The following SKIC2 variants were observed in gnomAD, a reference collection of about 807,000 sequenced individuals.
SKIC2 encodes superkiller complex protein 2.
the SKIC2 span, chr6:31,968,252 G>A: frequency 6.9e-7 from 1 of 1,450,130 alleles, no homozygotes; most frequent in South Asian, 1.2e-5. The surrounding 1 kb of genome is among the most constrained non-coding windows in gnomAD (Gnocchi z 6.1). Context: ...GTAGTAAGAG[G>A]GCTTCCACAG....
the SKIC2 span, chr6:31,968,462 G>T: frequency 6.2e-7 from 1 of 1,613,000 alleles, no homozygotes; most frequent in Non-Finnish European, 8.5e-7. The surrounding 1 kb of genome is among the most constrained non-coding windows in gnomAD (Gnocchi z 6.1). Flanking sequence ...GTTGTAGAGG[G>T]TGGGCTCCGG....
the SKIC2 span, chr6:31,960,392 A>G: frequency 1.3e-6 from 2 of 1,598,738 alleles, no homozygotes; most frequent in Non-Finnish European, 1.7e-6. Flanking sequence ...GTGGTCAGAG[A>G]CAAGCTCAGC....
the SKIC2 span, chr6:31,959,381 C>T: frequency 1.2e-6 from 2 of 1,613,370 alleles, no homozygotes; most frequent in Non-Finnish European, 1.7e-6. Flanking sequence ...CTGAACTTGC[C>T]TGGAGCTCCA....
At chr6:31,964,413 G>C in the SKIC2 span, 1 of 1,182,478 alleles carries the variant, frequency 8.5e-7, no homozygotes, top group Non-Finnish European at 1.2e-6. This position sits in a 1 kb window ranked among gnomAD's most constrained non-coding sequence, Gnocchi z 5.0. Context: ...AGAGGGCAGA[G>C]GGGCAGAGGT....
chr6:31,964,236 T>A, the SKIC2 span: 1 of 1,612,966 alleles, frequency 6.2e-7, no homozygotes. The surrounding 1 kb of genome is among the most constrained non-coding windows in gnomAD (Gnocchi z 5.0). Context: ...CCAAAGGTCC[T>A]GCACATGTCA....
chr6:31,960,292 G>A, the SKIC2 span: 1 of 1,613,418 alleles, frequency 6.2e-7, no homozygotes, highest in Non-Finnish European at 8.5e-7. Flanking sequence ...CCGACCTACA[G>A]GCCCAAAGAC....
chr6:31,962,817 C>A, the SKIC2 span: 2 of 1,575,608 alleles, frequency 1.3e-6, no homozygotes, highest in Non-Finnish European at 1.7e-6. The surrounding 1 kb of genome is among the most constrained non-coding windows in gnomAD (Gnocchi z 5.0). Flanking sequence ...CATGGGCTCC[C>A]CAGAACCCGG....
chr6:31,968,982 A>G, the SKIC2 span: 3 of 1,612,912 alleles, frequency 1.9e-6, no homozygotes, highest in Admixed American at 1.7e-5. This position sits in a 1 kb window ranked among gnomAD's most constrained non-coding sequence, Gnocchi z 6.1. Context: ...CATGTTTGAC[A>G]ATGCACTGAG....
the SKIC2 span, chr6:31,962,994 G>A: frequency 4.3e-6 from 7 of 1,610,690 alleles, no homozygotes; most frequent in African/African-American, 1.3e-5. This position sits in a 1 kb window ranked among gnomAD's most constrained non-coding sequence, Gnocchi z 5.0. Context: ...GCGTGGGGTC[G>A]TGTGGGAGGA....
chr6:31,967,591 C>T, the SKIC2 span: 1 of 1,112,692 alleles, frequency 9.0e-7, no homozygotes, highest in East Asian at 2.4e-5. The surrounding 1 kb of genome is among the most constrained non-coding windows in gnomAD (Gnocchi z 4.9). Context: ...ACTTGGTTGC[C>T]CCTCTCTACT....
the SKIC2 span, chr6:31,961,804 T>A: frequency 6.5e-7 from 1 of 1,549,388 alleles, no homozygotes; most frequent in Non-Finnish European, 8.8e-7. Flanking sequence ...AGTCCCAGCC[T>A]CGGCTGGCTC....
At chr6:31,969,273 C>A in the SKIC2 span, 1 of 1,614,012 alleles carries the variant, frequency 6.2e-7, no homozygotes, top group Non-Finnish European at 8.5e-7. The surrounding 1 kb of genome is among the most constrained non-coding windows in gnomAD (Gnocchi z 6.1). Flanking sequence ...CTCCTTCTTT[C>A]CTGCAGGGAA....
At chr6:31,960,302 C>T in the SKIC2 span, 7 of 1,613,506 alleles carry the variant, frequency 4.3e-6, no homozygotes, top group Non-Finnish European at 5.9e-6. Context: ...GGCCCAAAGA[C>T]ACCCAACCAC....
At chr6:31,959,253 T>A in the SKIC2 span, 2 of 1,608,142 alleles carry the variant, frequency 1.2e-6, no homozygotes, top group Non-Finnish European at 1.7e-6. Context: ...GAGTAGCCGA[T>A]ATGGAATGAA....
chr6:31,961,520 T>C, the SKIC2 span: 3 of 1,571,428 alleles, frequency 1.9e-6, no homozygotes, highest in Non-Finnish European at 2.6e-6. Context: ...GTTGTATCTT[T>C]ATCACTGCTA....
At chr6:31,960,874 CTG>C in the SKIC2 span, 1 of 905,006 alleles carries the variant, frequency 1.1e-6, no homozygotes, top group Non-Finnish European at 1.7e-6. Context: ...CTGTCATCTG[CTG>C]GGAAATTTCT....
the SKIC2 span, chr6:31,963,844 A>G: frequency 6.8e-7 from 1 of 1,480,954 alleles, no homozygotes; most frequent in East Asian, 2.3e-5. The surrounding 1 kb of genome is among the most constrained non-coding windows in gnomAD (Gnocchi z 5.3). Flanking sequence ...GCCCCAGTTA[A>G]CACTAGCTCA....
chr6:31,963,544 C>T, the SKIC2 span: 1 of 1,586,270 alleles, frequency 6.3e-7, no homozygotes, highest in Middle Eastern at 1.7e-4. The surrounding 1 kb of genome is among the most constrained non-coding windows in gnomAD (Gnocchi z 5.3). Flanking sequence ...TCCCGAGGAG[C>T]CTTCCATACA....
At chr6:31,969,260 C>T in the SKIC2 span, 70,229 of 1,613,236 alleles carry the variant, frequency 0.044, 1,993 homozygotes, top group African/African-American at 0.098. The surrounding 1 kb of genome is among the most constrained non-coding windows in gnomAD (Gnocchi z 6.1). Context: ...CAGGCCTTAA[C>T]CTCTCCTTCT....
Sources: gnomAD v4.1 joint callset for allele counts on GRCh38, gnomAD v4.1.1 for gene constraint, Gnocchi (gnomAD v3.1) non-coding constraint, MANE v1.5 for transcripts, NCBI Gene and HGNC (gene_info 2026-07-23, HGNC 2026-07-21) for gene names.